PCDH15: variants seen among roughly 807,000 people sequenced by gnomAD.
PCDH15 encodes protocadherin-15.
In PCDH15, 129 loss-of-function variants were observed where a neutral mutation model predicts 178.5. That is an observed-to-expected ratio of 0.72 (90% CI 0.63 to 0.84). PCDH15 has a LOEUF of 0.84. PCDH15 is among the 40% of genes least tolerant of loss of function. The pLI is 0.00. For missense variants in PCDH15, 2,230 were observed against 2,099.9 expected, an observed-to-expected ratio of 1.06 and a Z score of -1.21; for synonymous variants, 800 against 732.0, an observed-to-expected ratio of 1.09 and a Z score of -1.50.
chr10:54,199,749 C>T (rs2050045089), intron 10 of PCDH15, among the ~76,000 whole-genome samples: 1 of 151,886 alleles, frequency 6.6e-6, no homozygotes. Flanking sequence ...AAAAACACCT[C>T]AGTTGGAATA....
intron 3 of PCDH15, among the ~76,000 whole-genome samples, chr10:54,392,710 C>T (rs1476512218): frequency 6.6e-6 from 1 of 151,330 alleles, no homozygotes; most frequent in African/African-American, 2.4e-5. Context: ...ACCAGCCTGG[C>T]CAACATAGTG....
intron 25 of PCDH15, among the ~76,000 whole-genome samples, chr10:53,926,440 T>C (rs1251595183): frequency 1.3e-5 from 2 of 152,194 alleles, no homozygotes; most frequent in African/African-American, 4.8e-5. Flanking sequence ...CAAAAATATG[T>C]ATTATTAAAC....
intron 3 of PCDH15, among the ~76,000 whole-genome samples, chr10:54,523,300 C>T (rs1312830254): frequency 6.6e-6 from 1 of 152,078 alleles, no homozygotes; most frequent in Non-Finnish European, 1.5e-5. Flanking sequence ...GTTGAATAAA[C>T]CCATTTGAAT....
intron 3 of PCDH15, among the ~76,000 whole-genome samples, chr10:54,396,282 G>A (rs1401988372): frequency 3.3e-5 from 5 of 151,948 alleles, no homozygotes; most frequent in East Asian, 1.9e-4. Flanking sequence ...TTGTCATGTC[G>A]CTTCCCTAAA....
intron 2 of PCDH15, among the ~76,000 whole-genome samples, chr10:54,629,783 A>G (rs977142987): frequency 6.6e-6 from 1 of 152,142 alleles, no homozygotes; most frequent in Non-Finnish European, 1.5e-5. Context: ...TCTAAATAGG[A>G]AAAAAGGCAG....
intron 2 of PCDH15, among the ~76,000 whole-genome samples, chr10:55,358,333 T>C (rs896316378): frequency 1.3e-5 from 2 of 152,130 alleles, no homozygotes; most frequent in Non-Finnish European, 2.9e-5. Context: ...ATGTTAGTTA[T>C]GTAAGGTTAA....
At chr10:54,479,132 A>G (rs2078504616) in intron 3 of PCDH15, among the ~76,000 whole-genome samples, 3 of 152,094 alleles carry the variant, frequency 2.0e-5, no homozygotes, top group Admixed American at 1.3e-4. Flanking sequence ...TTTATTTAAA[A>G]TTTCAGACCA....
intron 23 of PCDH15, among the ~76,000 whole-genome samples, chr10:53,944,782 G>A (rs2086385316): frequency 6.6e-6 from 1 of 152,182 alleles, no homozygotes; most frequent in Non-Finnish European, 1.5e-5. Context: ...AAAGGAAATG[G>A]TTATTTAGCA....
At chr10:54,411,403 G>A (rs962249164) in intron 3 of PCDH15, among the ~76,000 whole-genome samples, 2 of 152,168 alleles carry the variant, frequency 1.3e-5, no homozygotes, top group African/African-American at 2.4e-5. Context: ...CAGTATAACT[G>A]TAAGCCCTTG....
intron 5 of PCDH15, among the ~76,000 whole-genome samples, chr10:54,355,097 G>A (rs11594789): frequency 0.22 from 26,072 of 119,360 alleles, 2,595 homozygotes; most frequent in Middle Eastern, 0.3. Context: ...TTTCCAAAGC[G>A]TATTTCCAAA....
intron 1 of PCDH15, among the ~76,000 whole-genome samples, chr10:54,705,252 C>A (rs541777375): frequency 1.3e-5 from 2 of 152,016 alleles, no homozygotes; most frequent in African/African-American, 4.8e-5. Flanking sequence ...GTACATTGCA[C>A]CCCCATGACA....
At chr10:53,969,115 G>C (rs2089378127) in intron 21 of PCDH15, among the ~76,000 whole-genome samples, 1 of 152,076 alleles carries the variant, frequency 6.6e-6, no homozygotes, top group Non-Finnish European at 1.5e-5. Context: ...CTTGAAAAAA[G>C]ATTAGACAAA....
chr10:54,676,825 T>G (rs2094799000), intron 1 of PCDH15, among the ~76,000 whole-genome samples: 1 of 152,186 alleles, frequency 6.6e-6, no homozygotes, highest in Non-Finnish European at 1.5e-5. Context: ...GCAAGAAACT[T>G]TCATTTTCCT....
At chr10:55,553,194 T>A (rs1842031552) in intron 2 of PCDH15, among the ~76,000 whole-genome samples, 1 of 150,800 alleles carries the variant, frequency 6.6e-6, no homozygotes, top group Admixed American at 6.6e-5. Context: ...TACTCTTTTC[T>A]ACCGCTAGGT....
chr10:55,178,005 A>C (rs769112865), intron 1 of PCDH15, among the ~76,000 whole-genome samples: 2 of 152,168 alleles, frequency 1.3e-5, no homozygotes, highest in African/African-American at 2.4e-5. Context: ...AAAATGTTTG[A>C]ATTAAGCAAA....
At chr10:54,924,998 C>T (rs1049750424) in intron 2 of PCDH15, among the ~76,000 whole-genome samples, 1 of 152,070 alleles carries the variant, frequency 6.6e-6, no homozygotes, top group Non-Finnish European at 1.5e-5. Context: ...CTTTTGGCAT[C>T]TTCATCATGA....
At chr10:54,775,030 GTAT>G (rs1949539055) in intron 1 of PCDH15, among the ~76,000 whole-genome samples, 1 of 152,054 alleles carries the variant, frequency 6.6e-6, no homozygotes, top group Non-Finnish European at 1.5e-5. Flanking sequence ...TTATATCAAT[GTAT>G]TATTAAACTT....
intron 2 of PCDH15, among the ~76,000 whole-genome samples, chr10:54,541,053 A>C (rs2132965329): frequency 6.6e-6 from 1 of 152,236 alleles, no homozygotes; most frequent in South Asian, 2.1e-4. Flanking sequence ...CTAACATTAA[A>C]CTAAATGTCG....
chr10:54,387,831 A>G (rs954916011), intron 3 of PCDH15, among the ~76,000 whole-genome samples: 1 of 152,164 alleles, frequency 6.6e-6, no homozygotes, highest in Non-Finnish European at 1.5e-5. Flanking sequence ...CCTTGGCAAT[A>G]TTCATCGTCT....
Sources: gnomAD v4.1 joint callset for allele counts (sites outside exome capture counted in the v4.1 genomes callset) on GRCh38, gnomAD v4.1.1 for gene constraint, MANE v1.5 for transcripts, NCBI Gene and HGNC (gene_info 2026-07-23, HGNC 2026-07-21) for gene names.